SATL1: variants seen among roughly 807,000 people sequenced by gnomAD.
The protein encoded by SATL1 is spermidine/spermine N(1)-acetyltransferase-like protein 1.
In SATL1, 47 loss-of-function variants were observed where a neutral mutation model predicts 51.8. The ratio of observed to expected loss-of-function variants is 0.91; its 90% CI spans 0.72 to 1.16. The LOEUF (loss-of-function observed/expected upper bound fraction) is 1.16, where lower values mean the gene tolerates loss of function less well. SATL1 is among the 50% of genes most tolerant of loss of function. The pLI is 0.00. For missense variants in SATL1, 520 were observed against 526.4 expected (o/e 0.99, Z 0.12); for synonymous variants, 176 against 182.4 (o/e 0.97, Z 0.28).
intron 2 of SATL1, among the ~76,000 whole-genome samples, chrX:85,135,310 A>G (rs1043802286): frequency 4.5e-5 from 5 of 110,928 alleles, no homozygotes; most frequent in African/African-American, 1.6e-4. Context: ...CACATCCTGC[A>G]CATGTACCCC....
chrX:85,199,864 T>C (rs1352819925), intron 2 of SATL1, among the ~76,000 whole-genome samples: 2 of 111,776 alleles, frequency 1.8e-5, no homozygotes, highest in African/African-American at 6.5e-5. Context: ...TTAGACATAT[T>C]GAATAAGATC....
intron 2 of SATL1, among the ~76,000 whole-genome samples, chrX:85,139,864 A>G (rs756507894): frequency 8.9e-6 from 1 of 111,795 alleles, no homozygotes; most frequent in East Asian, 2.8e-4. Context: ...TTACTAAAGT[A>G]TTACATTCAG....
intron 2 of SATL1, among the ~76,000 whole-genome samples, chrX:85,187,615 C>G (rs73511663): frequency 0.11 from 11,811 of 111,338 alleles, 1,415 homozygotes; most frequent in African/African-American, 0.35. Flanking sequence ...TGTAATATAT[C>G]ACATTTATTG....
At chrX:85,237,378 C>A (rs2147768282) in intron 1 of SATL1, among the ~76,000 whole-genome samples, 1 of 111,207 alleles carries the variant, frequency 9.0e-6, no homozygotes, top group East Asian at 2.8e-4. Flanking sequence ...GAATAGAGAA[C>A]CAATTCTGAA....
At chrX:85,146,602 T>A (rs990512273) in intron 2 of SATL1, among the ~76,000 whole-genome samples, 3 of 112,396 alleles carry the variant, frequency 2.7e-5, no homozygotes, top group African/African-American at 9.7e-5. Flanking sequence ...CTGGAATCTA[T>A]CACCTGTGAA....
intron 1 of SATL1, among the ~76,000 whole-genome samples, chrX:85,224,673 G>T (rs2147762628): frequency 9.4e-6 from 1 of 106,871 alleles, no homozygotes; most frequent in Admixed American, 1.0e-4. Flanking sequence ...AGGATTTCAG[G>T]AAAGTTTTTG....
chrX:85,117,728 A>G (rs951660981), intron 2 of SATL1, among the ~76,000 whole-genome samples: 2 of 111,757 alleles, frequency 1.8e-5, no homozygotes, highest in African/African-American at 6.5e-5. Flanking sequence ...TACTTTTTAA[A>G]GTAATATTTA....
intron 2 of SATL1, among the ~76,000 whole-genome samples, chrX:85,181,948 TTTAA>T (rs1365605351): frequency 1.5e-4 from 17 of 111,581 alleles, no homozygotes; most frequent in Admixed American, 1.1e-3. Context: ...GCAAGTTTTC[TTTAA>T]TTAAAAAAAT....
At chrX:85,222,117 T>G (rs2147761470) in intron 2 of SATL1, among the ~76,000 whole-genome samples, 1 of 111,995 alleles carries the variant, frequency 8.9e-6, no homozygotes, top group South Asian at 3.8e-4. Context: ...AGCACAGTGG[T>G]TAACAGCTTA....
At chrX:85,173,756 T>A (rs1405620110) in intron 2 of SATL1, among the ~76,000 whole-genome samples, 1 of 89,654 alleles carries the variant, frequency 1.1e-5, no homozygotes, top group East Asian at 3.5e-4. Flanking sequence ...TCTTTTAAAT[T>A]GCCTCCAGAA....
At chrX:85,161,445 A>C (rs1926716163) in intron 2 of SATL1, among the ~76,000 whole-genome samples, 1 of 109,115 alleles carries the variant, frequency 9.2e-6, no homozygotes. Flanking sequence ...ACACAGGCTC[A>C]AAATAAAGCA....
chrX:85,221,572 T>C (rs1928178160), intron 2 of SATL1, among the ~76,000 whole-genome samples: 1 of 112,094 alleles, frequency 8.9e-6, no homozygotes. Flanking sequence ...CATACTTGAC[T>C]TTTGGTTTCT....
chrX:85,160,971 A>G, intron 2 of SATL1, among the ~76,000 whole-genome samples: 1 of 112,171 alleles, frequency 8.9e-6, no homozygotes, highest in Non-Finnish European at 1.9e-5. Flanking sequence ...AACTCTCAGC[A>G]GAAACCCTAC....
At chrX:85,202,262 T>A (rs776338558) in intron 2 of SATL1, among the ~76,000 whole-genome samples, 170 of 112,617 alleles carry the variant, frequency 1.5e-3, no homozygotes, top group Non-Finnish European at 2.9e-3. Flanking sequence ...TCTGTAGGCT[T>A]ACTCTGTTGA....
At chrX:85,195,271 A>G (rs1927532922) in intron 2 of SATL1, among the ~76,000 whole-genome samples, 1 of 111,432 alleles carries the variant, frequency 9.0e-6, no homozygotes. Context: ...TAGACTAAGA[A>G]TGAGCACATA....
intron 1 of SATL1, among the ~76,000 whole-genome samples, chrX:85,225,640 G>A (rs112110206): frequency 0.025 from 2,752 of 111,982 alleles, 34 homozygotes; most frequent in Non-Finnish European, 0.039. Context: ...ACCAGGAAGA[G>A]GGATCAGCAG....
chrX:85,119,716 G>A (rs1251548857), intron 2 of SATL1, among the ~76,000 whole-genome samples: 1 of 110,850 alleles, frequency 9.0e-6, no homozygotes, highest in Non-Finnish European at 1.9e-5. Flanking sequence ...CCAAGTTAGA[G>A]CCTACTTTTT....
chrX:85,148,108 C>T lies in SATL1; in HGVS notation c.-312-38828G>A, dbSNP rs1186925655. 1.8e-4 allele frequency among the ~76,000 whole-genome samples: 20 copies of T among 111,039 alleles called. No individual in the cohort carries two copies. In the Admixed American group the frequency reaches 1.9e-3, roughly 11 times the overall value. Reference sequence around the variant, plus strand: ...TTAGAAGAATGTATAACTAGAATAACCAATACAGAGAAGTGCTTAAAGGAG... The same window carrying T: ...TTAGAAGAATGTATAACTAGAATAATCAATACAGAGAAGTGCTTAAAGGAG... On this transcript the variant is annotated intron_variant, in intron 2 of 7. Coordinates refer to ENST00000644105, the MANE Select transcript of SATL1 (RefSeq NM_001367857.2).
intron 2 of SATL1, among the ~76,000 whole-genome samples, chrX:85,127,518 G>T (rs1015975320): frequency 1.8e-5 from 2 of 111,448 alleles, no homozygotes; most frequent in African/African-American, 6.5e-5. Context: ...AAACGAAACA[G>T]CTTACAATTT....
Sources: allele counts gnomAD v4.1 joint callset (sites outside exome capture counted in the v4.1 genomes callset), GRCh38; gene constraint gnomAD v4.1.1; transcripts MANE v1.5; gene names NCBI Gene and HGNC (gene_info 2026-07-23, HGNC 2026-07-21).